The following PEX7 variants were observed in gnomAD, a reference collection of about 807,000 sequenced individuals.
PEX7 encodes peroxisomal biogenesis factor 7, also known as PTS2 receptor.
A neutral mutation model predicts 47.5 loss-of-function variants in PEX7; 34 were observed. The observed-to-expected ratio is 0.72, with a 90% CI of 0.54 to 0.95. The LOEUF (loss-of-function observed/expected upper bound fraction) is 0.95. PEX7 is among the 40% of genes least tolerant of loss of function. The probability of loss-of-function intolerance (pLI) is 0.00; values close to 1 mark genes in which losing one functional copy is unlikely to be tolerated. For missense variants in PEX7, 394 were observed against 400.3 expected (o/e 0.98, Z 0.13); for synonymous variants, 141 against 148.8 (o/e 0.95, Z 0.38).
intron 8 of PEX7, among the ~76,000 whole-genome samples, chr6:136,885,772 A>G (rs1366340986): frequency 1.3e-5 from 2 of 152,200 alleles, no homozygotes; most frequent in African/African-American, 4.8e-5. Context: ...TGGAAGATAT[A>G]TATTCAATAG....
chr6:136,900,928 C>A lies in PEX7; in HGVS notation c.903+2687C>A. 8.9e-6 allele frequency: 2 copies of A among 225,258 alleles called. No individual in the cohort carries two copies. The highest frequency in any genetic ancestry group is 1.3e-4 in the South Asian group (2 of 14,896). 14.0% of individuals were successfully genotyped at this position (225,258 alleles called of 1,614,324 possible). A position where few individuals can be genotyped will look rare whatever the true frequency, so the allele number is the denominator to read the frequency against. On this transcript the variant is annotated intron_variant, in intron 9 of 9. Transcript: ENST00000318471. This position sits in a 1 kb window ranked among gnomAD's most constrained non-coding sequence, Gnocchi z 4.2. ...GTCCCAGGGCCTGGGTGAACTGGTTCATCACAGGAGGCACTTTTAGGCTCT... is the reference window on the plus strand; with the variant it reads ...GTCCCAGGGCCTGGGTGAACTGGTTAATCACAGGAGGCACTTTTAGGCTCT...
chr6:136,823,452 G>C, intron 1 of PEX7: 1 of 669,908 alleles, frequency 1.5e-6, no homozygotes, highest in Non-Finnish European at 1.8e-6. Flanking sequence ...AAGCTGCTCA[G>C]GAGGCTGAGG....
At chr6:136,874,530 C>T (rs9494590) in intron 8 of PEX7, among the ~76,000 whole-genome samples, 2 of 151,506 alleles carry the variant, frequency 1.3e-5, no homozygotes, top group African/African-American at 4.8e-5. Context: ...AAATTAGCCA[C>T]GCATGATGGC....
chr6:136,853,033 C>G (rs1346318250), intron 5 of PEX7, among the ~76,000 whole-genome samples: 1 of 149,748 alleles, frequency 6.7e-6, no homozygotes, highest in Non-Finnish European at 1.5e-5. Flanking sequence ...TGATCTTTGA[C>G]AAACCTGAGA....
intron 5 of PEX7, among the ~76,000 whole-genome samples, chr6:136,852,286 CAT>C (rs1774771905): frequency 1.3e-5 from 2 of 151,050 alleles, no homozygotes; most frequent in South Asian, 2.1e-4. Flanking sequence ...TCCTATTCAA[CAT>C]AGTGTTGGAA....
intron 9 of PEX7, among the ~76,000 whole-genome samples, chr6:136,906,448 A>C (rs1230603968): frequency 1.3e-5 from 2 of 152,078 alleles, no homozygotes; most frequent in East Asian, 3.9e-4. Context: ...AGAAAATAAA[A>C]TGGGAAAAAT....
At chr6:136,863,323 G>C (rs1774999580) in intron 5 of PEX7, among the ~76,000 whole-genome samples, 1 of 152,012 alleles carries the variant, frequency 6.6e-6, no homozygotes, top group South Asian at 2.1e-4. Flanking sequence ...ATGGACGGAG[G>C]TACCATCCTT....
chr6:136,858,620 A>G (rs1158528270), intron 5 of PEX7, among the ~76,000 whole-genome samples: 1 of 152,218 alleles, frequency 6.6e-6, no homozygotes, highest in Non-Finnish European at 1.5e-5. Context: ...GAACAGCCCA[A>G]TTTGGGAAGC....
At chr6:136,845,476 G>T in intron 3 of PEX7, 139 bp from the exon 4 acceptor site, 1 of 706,980 alleles carries the variant, frequency 1.4e-6, no homozygotes, top group Non-Finnish European at 2.6e-6. Context: ...CAGACACCTT[G>T]TTGAGATGGA....
intron 3 of PEX7, among the ~76,000 whole-genome samples, chr6:136,841,119 A>G (rs1410951877): frequency 6.6e-6 from 1 of 152,178 alleles, no homozygotes; most frequent in Non-Finnish European, 1.5e-5. Context: ...TAGGTGCTCA[A>G]TAAATATTTG....
chr6:136,911,762 A>G (rs867354180), intron 9 of PEX7, among the ~76,000 whole-genome samples: 4 of 152,274 alleles, frequency 2.6e-5, no homozygotes, highest in South Asian at 2.1e-4. Context: ...TCGTGTCTAC[A>G]TTGTTTTGCA....
At chr6:136,869,739 C>T (rs1775140554) in intron 6 of PEX7, 151 bp from the exon 7 acceptor site, 1 of 740,170 alleles carries the variant, frequency 1.4e-6, no homozygotes, top group South Asian at 1.4e-5. Flanking sequence ...ATGTTGATTC[C>T]TGTCTATACT....
At chr6:136,845,013 C>A (rs1223104075) in intron 3 of PEX7, among the ~76,000 whole-genome samples, 2 of 152,154 alleles carry the variant, frequency 1.3e-5, no homozygotes, top group African/African-American at 2.4e-5. Context: ...CAGCAGTGAT[C>A]TGTGTATAAT....
chr6:136,912,337 T>C (rs191561502), intron 9 of PEX7, among the ~76,000 whole-genome samples: 2 of 152,216 alleles, frequency 1.3e-5, no homozygotes, highest in East Asian at 3.9e-4. Context: ...TTTTTTTTTT[T>C]CTGAAAGTGT....
Position 136,822,675 on chromosome 6 carries a change from G to T in PEX7, c.10G>T (p.Val4Leu). 6.6e-7 allele frequency: 1 copy of T among 1,524,290 alleles called. No homozygotes were observed. The highest frequency in any genetic ancestry group is 1.2e-5 in the South Asian group (1 of 83,544). The allele number at this position is 1,524,290 out of a possible 1,614,324, so 94.4% of individuals were successfully genotyped here. A position where few individuals can be genotyped will look rare whatever the true frequency, so the allele number is the denominator to read the frequency against. ...GGGGGCGGCGGGCGGGATGAGTGCG[G>T]TGTGCGGTGGAGCGGCGCGGATGCT... MSA[V>L]CGGAARMLRT... The change falls in exon 1 of 10, where the codon GTG (valine) becomes TTG (leucine). Residue 4 changes from valine (V) to leucine (L), a missense_variant. Physicochemically the swap from Val to Leu is conservative, Grantham distance 32. Coordinates refer to ENST00000318471, the MANE Select transcript of PEX7 (RefSeq NM_000288.4).
intron 3 of PEX7, among the ~76,000 whole-genome samples, chr6:136,844,722 T>C (rs1299320320): frequency 6.6e-6 from 1 of 152,186 alleles, no homozygotes; most frequent in Non-Finnish European, 1.5e-5. Context: ...TTTTTTAGAT[T>C]CCACCTATAA....
At chr6:136,877,898 A>G (rs972979005) in intron 8 of PEX7, among the ~76,000 whole-genome samples, 5 of 152,126 alleles carry the variant, frequency 3.3e-5, no homozygotes, top group African/African-American at 1.2e-4. Context: ...TTTGGGTGGT[A>G]TGGTCATTTT....
At chr6:136,896,260 T>G (rs1177725202) in intron 8 of PEX7, among the ~76,000 whole-genome samples, 1 of 152,216 alleles carries the variant, frequency 6.6e-6, no homozygotes, top group Non-Finnish European at 1.5e-5. Context: ...TAAAGAATAT[T>G]TAGCGTATCC....
chr6:136,872,213 G>A lies in PEX7; in HGVS notation c.763G>A (p.Ala255Thr). ...TTTTTTGTAGTTTTCACCATTTCAT[G>A]CTTCTGTGCTGGCCTCTTGCTCGTA... ...IRRVKFSPFHASVLASCSYDF... is the reference protein window; with the variant it reads ...IRRVKFSPFHTSVLASCSYDF... The change falls in exon 8 of 10, where the codon GCT becomes ACT. Residue 255 changes from alanine to threonine, a missense_variant. By Grantham distance (58) the Ala-to-Thr change is moderately conservative (BLOSUM62 0). Coordinates refer to ENST00000318471, the MANE Select transcript of PEX7 (RefSeq NM_000288.4). 6.3e-7 allele frequency: 1 copy of A among 1,592,804 alleles called. No individual in the cohort carries two copies. Among genetic ancestry groups the A allele is most frequent in the Non-Finnish European group, 8.5e-7 (1 of 1,171,848 alleles).
Sources: gnomAD v4.1 joint callset for allele counts (sites outside exome capture counted in the v4.1 genomes callset) on GRCh38, gnomAD v4.1.1 for gene constraint, Gnocchi (gnomAD v3.1) non-coding constraint, MANE v1.5 for transcripts, NCBI Gene and HGNC (gene_info 2026-07-23, HGNC 2026-07-21) for gene names.